The following RICTOR variants were observed in gnomAD, a reference collection of about 807,000 sequenced individuals.
The protein encoded by RICTOR is rapamycin-insensitive companion of mTOR.
Under a neutral mutation model 214.9 loss-of-function variants are expected in RICTOR, and 49 were observed. The observed-to-expected ratio is 0.23, with a 90% CI of 0.18 to 0.29. The LOEUF (loss-of-function observed/expected upper bound fraction) is 0.29, where lower values mean the gene tolerates loss of function less well. Ranked by LOEUF, RICTOR falls within the 10% of genes least tolerant of loss-of-function variation. RICTOR has a pLI of 1.00. For missense variants in RICTOR, 1,625 were observed against 2,047.0 expected, an observed-to-expected ratio of 0.79 and a Z score of 3.98; for synonymous variants, 717 against 711.3, an observed-to-expected ratio of 1.01 and a Z score of -0.13.
rs367774513 is a variant in RICTOR at position 38,971,854 on chromosome 5, C to T, written c.972+23G>A. On this transcript the variant is annotated intron_variant, in intron 11 of 37. Transcript: ENST00000357387. ...CACTGTTAAAGGTCCAGGAATGAAACAATCCTAATAACTTTTACCTACCCT... is the reference window on the plus strand; with the variant it reads ...CACTGTTAAAGGTCCAGGAATGAAATAATCCTAATAACTTTTACCTACCCT... 35 of 955,986 alleles carry T rather than the reference C, an allele frequency of 3.7e-5. No homozygotes were observed. The African/African-American group carries it at 4.7e-4, about 13-fold the overall frequency. The allele number at this position is 955,986 out of a possible 1,614,324, so 59.2% of individuals were successfully genotyped here.
At chr5:39,053,543 T>C (rs534999700) in intron 2 of RICTOR, among the ~76,000 whole-genome samples, 3 of 152,322 alleles carry the variant, frequency 2.0e-5, no homozygotes, top group South Asian at 2.1e-4. Flanking sequence ...GCACAGTGCC[T>C]AGCACAAAAA....
chr5:39,066,236 C>A lies in RICTOR; in HGVS notation c.97+7875G>T, dbSNP rs183749826. On this transcript the variant is annotated intron_variant, in intron 2 of 37. Coordinates refer to ENST00000357387, the MANE Select transcript of RICTOR (RefSeq NM_152756.5). ...AAGCCATCAAGTCTTATGGCTTGCA[C>A]CCTTTGAAGCAGCAGCCCGAACTGT... Among the ~76,000 whole-genome samples, 571 of 152,358 alleles carry A rather than the reference C, an allele frequency of 3.7e-3. 5 individuals are homozygous for A. The highest frequency in any genetic ancestry group is 0.013 in the African/African-American group (545 of 41,586).
chr5:39,039,741 G>C (rs1299793577), intron 2 of RICTOR, among the ~76,000 whole-genome samples: 5 of 152,200 alleles, frequency 3.3e-5, no homozygotes, highest in Admixed American at 6.5e-5. Flanking sequence ...GGCCATCAGA[G>C]AAATGCAAAT....
intron 8 of RICTOR, chr5:38,981,276 C>T (rs1345895442): frequency 6.6e-6 from 1 of 151,960 alleles, no homozygotes; most frequent in Non-Finnish European, 1.5e-5. Flanking sequence ...GCAATACATG[C>T]ACACGAAGAA....
chr5:39,012,637 A>G (rs1249741654), intron 3 of RICTOR, among the ~76,000 whole-genome samples: 1 of 152,170 alleles, frequency 6.6e-6, no homozygotes, highest in African/African-American at 2.4e-5. Context: ...TATTAATGTA[A>G]GTCATTAAAA....
chr5:39,051,822 G>A (rs1757881138), intron 2 of RICTOR, among the ~76,000 whole-genome samples: 1 of 151,878 alleles, frequency 6.6e-6, no homozygotes, highest in Non-Finnish European at 1.5e-5. Context: ...GTAATAATTA[G>A]GAATGTATAT....
chr5:39,053,321 G>C (rs961361176), intron 2 of RICTOR, among the ~76,000 whole-genome samples: 1 of 152,168 alleles, frequency 6.6e-6, no homozygotes, highest in Admixed American at 6.5e-5. Context: ...TGGCAAATCA[G>C]GTTTCAACTC....
chr5:39,038,533 CCT>C, intron 2 of RICTOR, among the ~76,000 whole-genome samples: 1 of 152,202 alleles, frequency 6.6e-6, no homozygotes, highest in African/African-American at 2.4e-5. Context: ...TCAAACTGTC[CCT>C]GTTTGCAGAT....
At chr5:39,066,119 C>T (rs114538280) in intron 2 of RICTOR, among the ~76,000 whole-genome samples, 4,685 of 152,356 alleles carry the variant, frequency 0.031, 112 homozygotes, top group Non-Finnish European at 0.042. Context: ...CCTAGACACC[C>T]AGGCTTTCTC....
chr5:39,040,040 C>T (rs1049112719), intron 2 of RICTOR, among the ~76,000 whole-genome samples: 4 of 151,982 alleles, frequency 2.6e-5, no homozygotes, highest in African/African-American at 7.3e-5. Context: ...CAGCACTATT[C>T]GCAACAGCAA....
At chr5:38,990,626 TATATATATCTGACATATATCAGATATATG>T (rs1752574364) in intron 7 of RICTOR, among the ~76,000 whole-genome samples, 5 of 90,092 alleles carry the variant, frequency 5.5e-5, no homozygotes, top group African/African-American at 8.3e-5. Flanking sequence ...CGATATATGA[TATATATATCTGACATATATCAGATATATG>T]ATATATATCA....
chr5:38,948,088 A>G (rs16867898), intron 31 of RICTOR, among the ~76,000 whole-genome samples: 5,878 of 152,208 alleles, frequency 0.039, 299 homozygotes, highest in East Asian at 0.27. Flanking sequence ...TGATATTTCC[A>G]TAAGATACAT....
At chr5:38,947,617 C>A (rs539518783) in intron 31 of RICTOR, among the ~76,000 whole-genome samples, 176 bp from the exon 32 acceptor site, 14 of 152,124 alleles carry the variant, frequency 9.2e-5, no homozygotes, top group African/African-American at 3.1e-4. Context: ...CTGTTATAGA[C>A]CGCTATGTAA....
chr5:38,941,745 T>A lies in RICTOR; in HGVS notation c.*559A>T, dbSNP rs1269093073. ...AGGCTCTTCTTCTGCTTTGAGGTTA[T>A]AAACCTCTGAAGTAGTGTTACAAAC... is the stretch of plus-strand genomic sequence containing the variant. On this transcript the variant is annotated 3_prime_UTR_variant, in exon 38 of 38. Coordinates refer to ENST00000357387, the MANE Select transcript of RICTOR (RefSeq NM_152756.5). 4.3e-6 allele frequency: 1 copy of A among 232,342 alleles called. No homozygotes were observed. The highest frequency in any genetic ancestry group is 8.5e-6 in the Non-Finnish European group (1 of 117,304). The allele number at this position is 232,342 out of a possible 1,614,324, so 14.4% of individuals were successfully genotyped here.
rs2150027682 is a variant in RICTOR at position 38,964,825 on chromosome 5, G to A, written c.1367C>T (p.Ala456Val). The part of the protein sequence containing the change: ...LHCLPTLMNM[A>V]ASFDIPKEKR... ...TTCCTTGGGGATATCAAAGGATGCAGCCATATTCATTAGGGTTGGCAAGCA... is the reference window on the plus strand; with the variant it reads ...TTCCTTGGGGATATCAAAGGATGCAACCATATTCATTAGGGTTGGCAAGCA... Residue 456 changes from alanine to valine, a missense_variant, in exon 16 of 38, where the codon GCT becomes GTT. By Grantham distance (64) the Ala-to-Val change is moderately conservative. Transcript: ENST00000357387. 1 of 1,604,494 alleles carries A rather than the reference G, an allele frequency of 6.2e-7. No homozygotes were observed. Among genetic ancestry groups the A allele is most frequent in the Non-Finnish European group, 8.5e-7 (1 of 1,172,878 alleles).
rs181326525 is a variant in RICTOR at position 39,024,936 on chromosome 5, C to T, written c.98-3800G>A. Among the ~76,000 whole-genome samples, 82 of 152,158 alleles carry T rather than the reference C, an allele frequency of 5.4e-4. 1 individual carries two copies. The highest frequency in any genetic ancestry group is 1.9e-3 in the African/African-American group (77 of 41,518). On this transcript the variant is annotated intron_variant, in intron 2 of 37. Transcript: ENST00000357387. ...TTATGATCAGGTACTGTTTTAAGTACTGGAAATATAGCAATAAACAAGACA... is the reference window on the plus strand; with the variant it reads ...TTATGATCAGGTACTGTTTTAAGTATTGGAAATATAGCAATAAACAAGACA...
At chr5:38,950,808 T>G in intron 30 of RICTOR, 88 bp from the exon 31 acceptor site, 1 of 1,190,398 alleles carries the variant, frequency 8.4e-7, no homozygotes, top group Non-Finnish European at 1.2e-6. Context: ...AGGAAATTTT[T>G]TTTTAGTCAT....
Position 38,942,281 on chromosome 5 carries a change from C to T in RICTOR, c.*23G>A, listed in dbSNP as rs1747650702. 7.1e-7 allele frequency: 1 copy of T among 1,405,768 alleles called. No individual in the cohort carries two copies. Among genetic ancestry groups the T allele is most frequent in the East Asian group, 2.3e-5 (1 of 43,906 alleles). The allele number at this position is 1,405,768 out of a possible 1,614,324, so 87.1% of individuals were successfully genotyped here. On this transcript the variant is annotated 3_prime_UTR_variant, in exon 38 of 38. Coordinates refer to ENST00000357387, the MANE Select transcript of RICTOR (RefSeq NM_152756.5). ...AAATATGAATATATATAGTATGTATCTATATCCATCATAAATATGAGGTCA... is the reference window on the plus strand; with the variant it reads ...AAATATGAATATATATAGTATGTATTTATATCCATCATAAATATGAGGTCA...
At chr5:39,000,200 G>C (rs571585653) in intron 5 of RICTOR, among the ~76,000 whole-genome samples, 1 of 151,708 alleles carries the variant, frequency 6.6e-6, no homozygotes, top group African/African-American at 2.4e-5. Flanking sequence ...AGAAAACCCA[G>C]CCAGAGAGAT....
Sources: allele counts gnomAD v4.1 joint callset (sites outside exome capture counted in the v4.1 genomes callset), GRCh38; gene constraint gnomAD v4.1.1; transcripts MANE v1.5; gene names NCBI Gene and HGNC (gene_info 2026-07-23, HGNC 2026-07-21).